The following TRPM3 variants were observed in gnomAD, a reference collection of about 807,000 sequenced individuals.
TRPM3 encodes long transient receptor potential channel 3.
Under a neutral mutation model 181.2 loss-of-function variants are expected in TRPM3, and 77 were observed. That is an observed-to-expected ratio of 0.42 (90% CI 0.35 to 0.51). The LOEUF (loss-of-function observed/expected upper bound fraction) is 0.51, where lower values mean the gene tolerates loss of function less well. Ranked by LOEUF, TRPM3 falls within the 20% of genes least tolerant of loss-of-function variation. The pLI is 0.01. For missense variants in TRPM3, 1,759 were observed against 2,196.7 expected, an observed-to-expected ratio of 0.80 and a Z score of 3.98; for synonymous variants, 745 against 796.4, an observed-to-expected ratio of 0.94 and a Z score of 1.09.
At chr9:70,994,167 A>G (rs1472274642) in intron 1 of TRPM3, among the ~76,000 whole-genome samples, 1 of 152,238 alleles carries the variant, frequency 6.6e-6, no homozygotes, top group Non-Finnish European at 1.5e-5. Context: ...TATTGGCTGT[A>G]TAACCTTGAA....
intron 1 of TRPM3, among the ~76,000 whole-genome samples, chr9:70,869,693 G>A (rs2095746865): frequency 6.6e-6 from 1 of 151,950 alleles, no homozygotes; most frequent in Non-Finnish European, 1.5e-5. Context: ...TTATCCTGCT[G>A]CCCCTCTAGC....
At chr9:70,916,220 C>G (rs961847605) in intron 1 of TRPM3, among the ~76,000 whole-genome samples, 64 of 152,214 alleles carry the variant, frequency 4.2e-4, no homozygotes, top group African/African-American at 1.4e-3. Context: ...TCATCAACAC[C>G]AGACCTGTTC....
chr9:71,293,772 T>C (rs1379715376), intron 1 of TRPM3, among the ~76,000 whole-genome samples: 3 of 152,074 alleles, frequency 2.0e-5, no homozygotes, highest in African/African-American at 4.8e-5. Context: ...CTTGAAAATA[T>C]ATCCCTACCA....
At chr9:71,249,021 G>C (rs770007674) in intron 1 of TRPM3, among the ~76,000 whole-genome samples, 2 of 152,132 alleles carry the variant, frequency 1.3e-5, no homozygotes, top group Non-Finnish European at 2.9e-5. Context: ...AATGAAAAAA[G>C]TGTTTCATCT....
chr9:71,175,773 A>C (rs1565306032), intron 1 of TRPM3, among the ~76,000 whole-genome samples: 1 of 152,238 alleles, frequency 6.6e-6, no homozygotes, highest in Non-Finnish European at 1.5e-5. Flanking sequence ...AGAAGCCAGC[A>C]GCAGAAATGT....
chr9:70,883,015 A>T (rs1564679431), intron 1 of TRPM3, among the ~76,000 whole-genome samples: 1 of 152,216 alleles, frequency 6.6e-6, no homozygotes, highest in South Asian at 2.1e-4. Flanking sequence ...GTTTCCTGTA[A>T]CATAATAACA....
At chr9:70,926,969 A>T (rs978630318) in intron 1 of TRPM3, among the ~76,000 whole-genome samples, 8 of 152,240 alleles carry the variant, frequency 5.3e-5, no homozygotes, top group Non-Finnish European at 1.0e-4. Context: ...TTTCTAGTTT[A>T]AAGGTTAAAT....
At chr9:70,621,798 C>T (rs190516564) in intron 14 of TRPM3, among the ~76,000 whole-genome samples, 21 of 152,206 alleles carry the variant, frequency 1.4e-4, no homozygotes, top group South Asian at 8.3e-4. Context: ...ATTTTGGATT[C>T]GGTGATTTTA....
At chr9:70,945,536 A>T (rs2096924522) in intron 1 of TRPM3, among the ~76,000 whole-genome samples, 1 of 152,136 alleles carries the variant, frequency 6.6e-6, no homozygotes, top group Non-Finnish European at 1.5e-5. Flanking sequence ...GGGTAATGTG[A>T]AATCTTAAGA....
At chr9:71,074,936 A>G (rs180821689) in intron 1 of TRPM3, among the ~76,000 whole-genome samples, 30 of 152,308 alleles carry the variant, frequency 2.0e-4, no homozygotes, top group African/African-American at 5.5e-4. Context: ...ACTTTAACCA[A>G]TAATAAAGAA....
At chr9:71,073,256 G>A (rs1040685612) in intron 1 of TRPM3, among the ~76,000 whole-genome samples, 2 of 152,154 alleles carry the variant, frequency 1.3e-5, no homozygotes, top group African/African-American at 2.4e-5. Context: ...ACGGGAGGAG[G>A]AGAGGTGAGA....
intron 1 of TRPM3, among the ~76,000 whole-genome samples, chr9:71,300,381 T>C (rs2086660365): frequency 6.6e-6 from 1 of 152,152 alleles, no homozygotes; most frequent in Non-Finnish European, 1.5e-5. Flanking sequence ...TCCATTCAAT[T>C]GTAAAATCTA....
intron 1 of TRPM3, among the ~76,000 whole-genome samples, chr9:71,135,953 T>C (rs2074741440): frequency 1.3e-5 from 2 of 152,228 alleles, no homozygotes; most frequent in Admixed American, 6.5e-5. Flanking sequence ...AGCATAACCA[T>C]GAATTTAAGA....
intron 1 of TRPM3, among the ~76,000 whole-genome samples, chr9:71,439,306 C>T (rs937699330): frequency 4.6e-5 from 7 of 152,170 alleles, no homozygotes; most frequent in African/African-American, 1.7e-4. Flanking sequence ...GCAACTTCTG[C>T]TTTTTACATG....
chr9:71,007,964 ACAAAAGAACCC>A (rs1412890409), intron 1 of TRPM3, among the ~76,000 whole-genome samples: 1 of 152,118 alleles, frequency 6.6e-6, no homozygotes, highest in Non-Finnish European at 1.5e-5. Flanking sequence ...AAAAAGTAAT[ACAAAAGAACCC>A]CAAAACGAAG....
intron 1 of TRPM3, among the ~76,000 whole-genome samples, chr9:71,076,055 G>C (rs576868941): frequency 4.0e-4 from 61 of 152,178 alleles, no homozygotes; most frequent in African/African-American, 1.4e-3. Context: ...GTACGTTTAC[G>C]TAAAACAAAC....
chr9:70,591,285 G>T, intron 21 of TRPM3, 80 bp from the exon 22 acceptor site: 2 of 1,254,730 alleles, frequency 1.6e-6, no homozygotes, highest in Non-Finnish European at 1.1e-6. Context: ...GACAATGATG[G>T]GAACCTTTGG....
chr9:71,271,937 C>T (rs1471576142), intron 1 of TRPM3, among the ~76,000 whole-genome samples: 1 of 152,184 alleles, frequency 6.6e-6, no homozygotes, highest in Non-Finnish European at 1.5e-5. Flanking sequence ...AAACTAGTGG[C>T]TCGTCTTACT....
At chr9:70,645,565 G>C (rs1446841718) in intron 9 of TRPM3, among the ~76,000 whole-genome samples, 1 of 151,942 alleles carries the variant, frequency 6.6e-6, no homozygotes, top group African/African-American at 2.4e-5. Flanking sequence ...AACTCAAGGT[G>C]GATTAAAGAC....
Sources: gnomAD v4.1 joint callset for allele counts (sites outside exome capture counted in the v4.1 genomes callset) on GRCh38, gnomAD v4.1.1 for gene constraint, MANE v1.5 for transcripts, NCBI Gene and HGNC (gene_info 2026-07-23, HGNC 2026-07-21) for gene names.